The following LRRC74A variants were observed in gnomAD, a reference collection of about 807,000 sequenced individuals.
LRRC74A encodes leucine rich repeat containing 74A.
A neutral mutation model predicts 57.9 loss-of-function variants in LRRC74A; 44 were observed. The observed-to-expected ratio is 0.76, with a 90% CI of 0.60 to 0.98. The LOEUF (loss-of-function observed/expected upper bound fraction) is 0.98. LRRC74A is among the 50% of genes least tolerant of loss of function. The pLI, the probability that LRRC74A is intolerant of heterozygous loss-of-function variation, is 0.00. For synonymous variants in LRRC74A, 211 were observed against 219.4 expected (o/e 0.96, Z 0.34); for missense variants, 572 against 574.0 (o/e 1.00, Z 0.04).
chr14:76,835,447 A>G (rs1211826895), intron 3 of LRRC74A, among the ~76,000 whole-genome samples: 1 of 150,366 alleles, frequency 6.7e-6, no homozygotes, highest in Non-Finnish European at 1.5e-5. Flanking sequence ...AGATCACGCC[A>G]CTGCACTCCA....
chr14:76,867,691 C>G (rs916071378), intron 13 of LRRC74A, among the ~76,000 whole-genome samples: 1 of 152,144 alleles, frequency 6.6e-6, no homozygotes, highest in Non-Finnish European at 1.5e-5. Context: ...CGGGAGGAGC[C>G]GGAGCCCACA....
intron 7 of LRRC74A, among the ~76,000 whole-genome samples, chr14:76,849,967 G>T (rs1299190142): frequency 6.6e-6 from 1 of 151,700 alleles, no homozygotes; most frequent in Non-Finnish European, 1.5e-5. Context: ...CCAGCACTTT[G>T]GGAGGCCGAG....
chr14:76,844,105 C>T (rs1896958054), intron 5 of LRRC74A, among the ~76,000 whole-genome samples: 1 of 151,918 alleles, frequency 6.6e-6, no homozygotes, highest in Admixed American at 6.6e-5. Flanking sequence ...TTCAAGTGAT[C>T]CTCCCACCTC....
chr14:76,828,224 G>A (rs769632033), intron 1 of LRRC74A, 67 bp from the exon 2 acceptor site: 59 of 1,529,488 alleles, frequency 3.9e-5, no homozygotes, highest in Middle Eastern at 4.6e-4. Flanking sequence ...GGGCGGCAGC[G>A]GCAGGCTTTA....
intron 10 of LRRC74A, among the ~76,000 whole-genome samples, chr14:76,859,594 A>G (rs1042308705): frequency 1.3e-5 from 2 of 149,290 alleles, no homozygotes; most frequent in African/African-American, 4.9e-5. Context: ...TAGATGGCCC[A>G]TAAACCCGTA....
In LRRC74A at chr14:76,831,385, C is replaced by A. The variant is rs1460975185; in HGVS notation, c.339+10C>A. Reference sequence around the variant, plus strand: ...TGCTATAGCCCTGGTGGTGAGCATGCTAGTGGGAGCTCATGAAACCTGGAG... The same window carrying A: ...TGCTATAGCCCTGGTGGTGAGCATGATAGTGGGAGCTCATGAAACCTGGAG... On this transcript the variant is annotated intron_variant, in intron 3 of 13. Coordinates refer to ENST00000689127, the MANE Select transcript of LRRC74A (RefSeq NM_001385106.1). The A allele has an allele frequency of 6.2e-7, 1 of 1,611,742 alleles. No individual in the cohort carries two copies.
intron 3 of LRRC74A, among the ~76,000 whole-genome samples, chr14:76,833,139 G>T (rs958771705): frequency 6.6e-6 from 1 of 152,208 alleles, no homozygotes; most frequent in East Asian, 1.9e-4. Flanking sequence ...AGAAGCTACA[G>T]AATGGTAGAG....
intron 7 of LRRC74A, among the ~76,000 whole-genome samples, chr14:76,846,718 A>G (rs1345390265): frequency 2.0e-5 from 3 of 152,130 alleles, no homozygotes; most frequent in Non-Finnish European, 4.4e-5. Flanking sequence ...TGCTTCAGCT[A>G]TTGGTTGGAT....
Position 76,870,180 on chromosome 14 carries a change from C to T in LRRC74A, c.*31C>T, listed in dbSNP as rs745372627. 7 of 1,603,558 alleles carry T rather than the reference C, an allele frequency of 4.4e-6. No homozygotes were observed. The Admixed American group carries it at 5.1e-5, about 12-fold the overall frequency. On this transcript the variant is annotated 3_prime_UTR_variant, in exon 14 of 14. Coordinates refer to ENST00000689127, the MANE Select transcript of LRRC74A (RefSeq NM_001385106.1). ...AGTCTGGTCTAGAAAGAAGTCTCGG[C>T]GAGAGGAGTCCTCGCAAGTCGGATG...
intron 12 of LRRC74A, among the ~76,000 whole-genome samples, 174 bp from the exon 13 acceptor site, chr14:76,867,181 GT>G (rs1898965258): frequency 3.1e-5 from 1 of 32,532 alleles, no homozygotes; most frequent in Non-Finnish European, 6.4e-5. Flanking sequence ...GGTAGTGTGT[GT>G]GGGGGAGTGT....
chr14:76,854,597 C>T (rs1395937886), intron 9 of LRRC74A, among the ~76,000 whole-genome samples: 2 of 152,032 alleles, frequency 1.3e-5, no homozygotes, highest in African/African-American at 2.4e-5. Flanking sequence ...CAGAGCAAGA[C>T]TCTGTCTCAA....
At chr14:76,828,498 C>G (rs2140251439) in intron 2 of LRRC74A, 79 bp downstream of exon 2, 1 of 1,594,500 alleles carries the variant, frequency 6.3e-7, no homozygotes, top group East Asian at 2.2e-5. Context: ...GAGCTGTCAT[C>G]TCACTCCTTT....
chr14:76,848,434 T>C (rs919184203), intron 7 of LRRC74A, among the ~76,000 whole-genome samples: 45 of 147,536 alleles, frequency 3.1e-4, no homozygotes, highest in African/African-American at 1.1e-3. Context: ...CTGGGCATGG[T>C]GGCACATGCC....
At chr14:76,858,675 G>A (rs765073514) in intron 10 of LRRC74A, among the ~76,000 whole-genome samples, 9 of 151,996 alleles carry the variant, frequency 5.9e-5, no homozygotes, top group Admixed American at 2.0e-4. Context: ...GCTCACCTCC[G>A]CCTCCTGGGT....
chr14:76,857,267 GT>G (rs1160756499), intron 9 of LRRC74A, 112 bp from the exon 10 acceptor site: 1 of 650,846 alleles, frequency 1.5e-6, no homozygotes, highest in Admixed American at 2.4e-5. Flanking sequence ...ATTACTTACA[GT>G]GAAGTCTGGG....
intron 3 of LRRC74A, among the ~76,000 whole-genome samples, chr14:76,834,536 C>T (rs781309187): frequency 4.6e-5 from 7 of 152,182 alleles, no homozygotes; most frequent in Non-Finnish European, 1.0e-4. Context: ...TAGCAGGCAT[C>T]GTATTTCATC....
chr14:76,828,360 C>T lies in LRRC74A; in HGVS notation c.107C>T (p.Pro36Leu), dbSNP rs148747129. The T allele has an allele frequency of 1.1e-3, 1,825 of 1,613,818 alleles. 23 individuals carry two copies. In the East Asian group the frequency reaches 0.036, roughly 32 times the overall value. Residue 36 changes from proline to leucine, a missense_variant, in exon 2 of 14, where the codon CCG becomes CTG. Physicochemically the swap from Pro to Leu is moderately conservative, Grantham distance 98. Transcript: ENST00000689127. ...CTCTACTGTGAGGCCGAATCCCCGC[C>T]GACTGTTGAAAAAGTGAAACCAGCC... is the stretch of plus-strand genomic sequence containing the variant. ...KMLYCEAESP[P>L]TVEKVKPARE...
At chr14:76,846,718 A>C (rs1345390265) in intron 7 of LRRC74A, among the ~76,000 whole-genome samples, 3 of 152,130 alleles carry the variant, frequency 2.0e-5, no homozygotes, top group African/African-American at 7.2e-5. Flanking sequence ...TGCTTCAGCT[A>C]TTGGTTGGAT....
In LRRC74A at chr14:76,831,054, C is replaced by T. The variant is rs564094941; in HGVS notation, c.167-149C>T. 5.0e-5 allele frequency: 36 copies of T among 724,250 alleles called. No homozygotes were observed. In the South Asian group the frequency reaches 6.7e-4, roughly 14 times the overall value. The allele number at this position is 724,250 out of a possible 1,614,324, so 44.9% of individuals were successfully genotyped here. A position where few individuals can be genotyped will look rare whatever the true frequency, so the allele number is the denominator to read the frequency against. ...CCTCTCCCACCATGGACTGACTTCC[C>T]AGACAGGAGCAGGCTTCTTAGCACA... is the stretch of plus-strand genomic sequence containing the variant. On this transcript the variant is annotated intron_variant, in intron 2 of 13. Transcript: ENST00000689127.
Sources: gnomAD v4.1 joint callset for allele counts (sites outside exome capture counted in the v4.1 genomes callset) on GRCh38, gnomAD v4.1.1 for gene constraint, MANE v1.5 for transcripts, NCBI Gene and HGNC (gene_info 2026-07-23, HGNC 2026-07-21) for gene names.